CCDC85A: variants seen among roughly 807,000 people sequenced by gnomAD.
The protein encoded by CCDC85A is coiled-coil domain containing 85A.
A neutral mutation model predicts 50.2 loss-of-function variants in CCDC85A; 38 were observed. The ratio of observed to expected loss-of-function variants is 0.76; its 90% CI spans 0.58 to 0.99. The LOEUF (loss-of-function observed/expected upper bound fraction) is 0.99, where lower values mean the gene tolerates loss of function less well. CCDC85A is among the 50% of genes least tolerant of loss of function. The probability of loss-of-function intolerance (pLI) is 0.00; values close to 1 mark genes in which losing one functional copy is unlikely to be tolerated. For synonymous variants in CCDC85A, 366 were observed against 301.4 expected, an observed-to-expected ratio of 1.21 and a Z score of -2.22; for missense variants, 820 against 742.0, an observed-to-expected ratio of 1.11 and a Z score of -1.22.
chr2:56,303,971 C>G (rs7576021), intron 2 of CCDC85A, among the ~76,000 whole-genome samples: 10,197 of 152,166 alleles, frequency 0.067, 463 homozygotes, highest in Admixed American at 0.14. Flanking sequence ...CCAGAAGGAT[C>G]TGTGAAAGAG....
intron 1 of CCDC85A, among the ~76,000 whole-genome samples, chr2:56,186,555 A>C (rs1322134733): frequency 6.6e-6 from 1 of 152,226 alleles, no homozygotes; most frequent in African/African-American, 2.4e-5. Flanking sequence ...AGAGCTGGAC[A>C]AGGGGGCATT....
chr2:56,227,770 T>G (rs1668604963), intron 2 of CCDC85A, among the ~76,000 whole-genome samples: 1 of 152,170 alleles, frequency 6.6e-6, no homozygotes, highest in African/African-American at 2.4e-5. Flanking sequence ...TGATTATCTG[T>G]TGGTCCAGTC....
intron 4 of CCDC85A, among the ~76,000 whole-genome samples, chr2:56,374,498 T>C (rs1676238582): frequency 6.6e-6 from 1 of 152,188 alleles, no homozygotes; most frequent in Non-Finnish European, 1.5e-5. Flanking sequence ...TCTTCTTATC[T>C]CTAAAATGTA....
chr2:56,372,218 C>T (rs932067809), intron 3 of CCDC85A, 126 bp from the exon 4 acceptor site: 8 of 839,474 alleles, frequency 9.5e-6, no homozygotes, highest in African/African-American at 8.8e-5. Flanking sequence ...GCTACAGGTG[C>T]ATGTTACAGC....
chr2:56,347,967 A>G (rs978756117), intron 3 of CCDC85A, among the ~76,000 whole-genome samples: 1 of 152,174 alleles, frequency 6.6e-6, no homozygotes, highest in Non-Finnish European at 1.5e-5. Flanking sequence ...TACCTACCTG[A>G]TGAGTTTATT....
chr2:56,352,605 C>T (rs2104348293), intron 3 of CCDC85A, among the ~76,000 whole-genome samples: 1 of 152,260 alleles, frequency 6.6e-6, no homozygotes, highest in Non-Finnish European at 1.5e-5. Flanking sequence ...CTTGGCCTCC[C>T]AAAGTGCTGG....
At chr2:56,296,959 A>G (rs528846552) in intron 2 of CCDC85A, among the ~76,000 whole-genome samples, 1 of 152,316 alleles carries the variant, frequency 6.6e-6, no homozygotes, top group South Asian at 2.1e-4. Flanking sequence ...ACATATTAAT[A>G]TATGAAATAT....
intron 2 of CCDC85A, among the ~76,000 whole-genome samples, chr2:56,309,557 A>G (rs1311719987): frequency 6.6e-6 from 1 of 152,196 alleles, no homozygotes; most frequent in Non-Finnish European, 1.5e-5. Flanking sequence ...AGTAAAAGTG[A>G]TTTTACAAAT....
At chr2:56,210,539 A>G (rs994297) in intron 2 of CCDC85A, among the ~76,000 whole-genome samples, 127,693 of 151,968 alleles carry the variant, frequency 0.84, 53,721 homozygotes, top group African/African-American at 0.86. Flanking sequence ...GTTTGTTTCT[A>G]CTCCACAATG....
intron 4 of CCDC85A, 81 bp from the exon 5 acceptor site, chr2:56,375,735 G>A: frequency 7.0e-7 from 1 of 1,432,218 alleles, no homozygotes. Context: ...TCATTTGGTA[G>A]TGAAATTGAA....
At chr2:56,308,561 A>C (rs1001183758) in intron 2 of CCDC85A, among the ~76,000 whole-genome samples, 18 of 152,170 alleles carry the variant, frequency 1.2e-4, no homozygotes, top group Admixed American at 6.6e-4. Flanking sequence ...AATTTCTATG[A>C]ACTTTGGTTT....
At chr2:56,366,049 G>A (rs1255924964) in intron 3 of CCDC85A, among the ~76,000 whole-genome samples, 1 of 152,016 alleles carries the variant, frequency 6.6e-6, no homozygotes, top group Non-Finnish European at 1.5e-5. Flanking sequence ...TTAGTGTAAT[G>A]TCCTCCAGGT....
intron 2 of CCDC85A, among the ~76,000 whole-genome samples, chr2:56,291,242 G>T (rs865854317): frequency 1.3e-4 from 20 of 152,184 alleles, no homozygotes; most frequent in Non-Finnish European, 7.3e-5. Flanking sequence ...TGCATAGATG[G>T]ATCTAACCAT....
chr2:56,237,331 C>A (rs894964662), intron 2 of CCDC85A, among the ~76,000 whole-genome samples: 2 of 152,122 alleles, frequency 1.3e-5, no homozygotes, highest in African/African-American at 4.8e-5. Context: ...AACAGGCAGG[C>A]CCAGCTCATT....
intron 2 of CCDC85A, among the ~76,000 whole-genome samples, chr2:56,252,051 ATT>A (rs764719557): frequency 9.6e-4 from 121 of 126,346 alleles, no homozygotes; most frequent in Middle Eastern, 4.3e-3. Flanking sequence ...ATCATCAACT[ATT>A]TTTTTTTTTT....
chr2:56,239,190 T>C (rs1669150032), intron 2 of CCDC85A, among the ~76,000 whole-genome samples: 1 of 152,138 alleles, frequency 6.6e-6, no homozygotes, highest in African/African-American at 2.4e-5. Flanking sequence ...AGGGTCGTTA[T>C]ATGACTGCAG....
intron 2 of CCDC85A, among the ~76,000 whole-genome samples, chr2:56,206,684 A>C (rs1448463311): frequency 6.6e-6 from 1 of 152,164 alleles, no homozygotes; most frequent in Non-Finnish European, 1.5e-5. Context: ...CTCATCTCCC[A>C]ACACTGCTGC....
intron 2 of CCDC85A, among the ~76,000 whole-genome samples, chr2:56,242,344 G>T (rs760177086): frequency 2.0e-5 from 3 of 152,084 alleles, no homozygotes; most frequent in Non-Finnish European, 2.9e-5. Flanking sequence ...GGCTTTACAG[G>T]AAGCATTGTG....
chr2:56,278,549 G>A (rs1016005541), intron 2 of CCDC85A, among the ~76,000 whole-genome samples: 3 of 152,048 alleles, frequency 2.0e-5, no homozygotes, highest in African/African-American at 7.2e-5. Context: ...AGGCATGGGA[G>A]TAGCCTGGTC....
Sources: allele counts gnomAD v4.1 joint callset (sites outside exome capture counted in the v4.1 genomes callset), GRCh38; gene constraint gnomAD v4.1.1; transcripts MANE v1.5; gene names NCBI Gene and HGNC (gene_info 2026-07-23, HGNC 2026-07-21).